The following ATF6 variants were observed in gnomAD, a reference collection of about 807,000 sequenced individuals.
ATF6 encodes the protein cyclic AMP-dependent transcription factor ATF-6 alpha.
Under a neutral mutation model 83.6 loss-of-function variants are expected in ATF6, and 53 were observed. That is an observed-to-expected ratio of 0.63 (90% confidence interval 0.51 to 0.80). ATF6 has a LOEUF of 0.80. Ranked by LOEUF, ATF6 falls within the 30% of genes least tolerant of loss-of-function variation. The probability of loss-of-function intolerance (pLI) is 0.00; values close to 1 mark genes in which losing one functional copy is unlikely to be tolerated. For synonymous variants in ATF6, 288 were observed against 285.8 expected, an observed-to-expected ratio of 1.01 and a Z score of -0.08; for missense variants, 744 against 797.9, an observed-to-expected ratio of 0.93 and a Z score of 0.81.
intron 15 of ATF6, among the ~76,000 whole-genome samples, chr1:161,936,499 T>C (rs193120472): frequency 3.1e-3 from 471 of 152,336 alleles, no homozygotes; most frequent in Non-Finnish European, 4.9e-3. Flanking sequence ...ATGTTACAGA[T>C]GTTTTTCAAA....
intron 1 of ATF6, among the ~76,000 whole-genome samples, chr1:161,770,920 A>C (rs1367328556): frequency 6.6e-6 from 1 of 152,248 alleles, no homozygotes; most frequent in Non-Finnish European, 1.5e-5. Context: ...ACTGTCTTCC[A>C]AAGTGGCTAT....
intron 2 of ATF6, among the ~76,000 whole-genome samples, chr1:161,780,434 C>T (rs938626710): frequency 2.6e-4 from 39 of 151,444 alleles, no homozygotes; most frequent in Middle Eastern, 3.4e-3. Flanking sequence ...AGTGCAGTGG[C>T]GCAATCTCGG....
At position 161,819,734 on chromosome 1, in the gene ATF6, A is replaced by T; in HGVS notation, c.1011A>T (p.Arg337Ser). The T allele has an allele frequency of 6.2e-7, 1 of 1,613,292 alleles. No individual in the cohort carries two copies. ...KKEYMLGLEA[R>S]LKAALSENEQ... Reference sequence around the variant, plus strand: ...AATATATGCTAGGGTTAGAGGCGAGATTAAAGGCTGCCCTCTCAGAAAACG... The same window carrying T: ...AATATATGCTAGGGTTAGAGGCGAGTTTAAAGGCTGCCCTCTCAGAAAACG... Residue 337 changes from arginine (R) to serine (S), a missense_variant, in exon 8 of 16, where the codon AGA becomes AGT. Arg to Ser is a moderately radical substitution (Grantham distance 110). Coordinates refer to ENST00000367942, the MANE Select transcript of ATF6 (RefSeq NM_007348.4).
chr1:161,894,944 A>G (rs1262200291), intron 14 of ATF6, among the ~76,000 whole-genome samples: 1 of 151,212 alleles, frequency 6.6e-6, no homozygotes, highest in African/African-American at 2.4e-5. Flanking sequence ...AATTTAAGTG[A>G]TTTTTAATTT....
chr1:161,938,306 G>A (rs17450980), intron 15 of ATF6, among the ~76,000 whole-genome samples: 1,978 of 152,170 alleles, frequency 0.013, 15 homozygotes, highest in South Asian at 0.018. Flanking sequence ...TTTGCGTTTT[G>A]GACTCACATA....
chr1:161,844,160 A>C (rs925551178), intron 9 of ATF6, among the ~76,000 whole-genome samples: 7 of 152,206 alleles, frequency 4.6e-5, no homozygotes, highest in African/African-American at 1.7e-4. Context: ...ATCCTTTTCC[A>C]TTCTGTAGTG....
chr1:161,950,924 T>C (rs541123365), intron 15 of ATF6, among the ~76,000 whole-genome samples: 2 of 152,372 alleles, frequency 1.3e-5, no homozygotes, highest in South Asian at 2.1e-4. Flanking sequence ...TATTCTTTTC[T>C]ATGATCTAAT....
intron 9 of ATF6, among the ~76,000 whole-genome samples, chr1:161,826,492 G>C (rs1197970044): frequency 6.6e-6 from 1 of 152,074 alleles, no homozygotes; most frequent in Non-Finnish European, 1.5e-5. Flanking sequence ...ATTAAAAATC[G>C]GAGAAAGCTT....
rs775002441 is a variant in ATF6 at position 161,912,381 on chromosome 1, G to T, written c.1804+1G>T. On this transcript the variant is annotated splice_donor_variant, in intron 15 of 15. Coordinates refer to ENST00000367942, the MANE Select transcript of ATF6 (RefSeq NM_007348.4). LOFTEE classifies it high-confidence loss of function. ...GTGTTACCAGCAATAAACATAAATG[G>T]TAAGTTGAAATTCTGATGTATGAAC... 5.6e-6 allele frequency: 9 copies of T among 1,601,004 alleles called. No homozygotes were observed. Among genetic ancestry groups the T allele is most frequent in the Non-Finnish European group, 7.7e-6 (9 of 1,171,198 alleles).
intron 12 of ATF6, among the ~76,000 whole-genome samples, chr1:161,855,734 G>A (rs1686742798): frequency 6.6e-6 from 1 of 152,174 alleles, no homozygotes; most frequent in South Asian, 2.1e-4. Flanking sequence ...CAAAATTCAA[G>A]CAAAGAAAGT....
In ATF6 at chr1:161,791,448, T is replaced by A. The variant is rs769615639; in HGVS notation, c.395T>A (p.Leu132His). The A allele has an allele frequency of 8.7e-6, 14 of 1,612,094 alleles. No individual in the cohort carries two copies. The highest frequency in any genetic ancestry group is 1.2e-5 in the Non-Finnish European group (14 of 1,179,464). Residue 132 changes from leucine (L) to histidine (H), a missense_variant, in exon 5 of 16, where the codon CTT becomes CAT. By Grantham distance (99) the Leu-to-His change is moderately conservative (BLOSUM62 -3). Transcript: ENST00000367942. ...TCTTCTAGTTCTCAGATGTCTCCCC[T>A]TTCCTTATATGGTGAAAACTCTAAT... ...DLSSSSQMSP[L>H]SLYGENSNSL...
At chr1:161,796,398 A>G (rs761450630) in intron 6 of ATF6, among the ~76,000 whole-genome samples, 6 of 152,150 alleles carry the variant, frequency 3.9e-5, no homozygotes, top group Non-Finnish European at 8.8e-5. Context: ...GGCTTCCTAT[A>G]ATACTCTTCT....
At chr1:161,857,219 C>A (rs984998912) in intron 12 of ATF6, among the ~76,000 whole-genome samples, 1 of 152,120 alleles carries the variant, frequency 6.6e-6, no homozygotes, top group South Asian at 2.1e-4. Context: ...TTACCTCTTT[C>A]AGTTGCTAAG....
At chr1:161,807,552 T>A (rs1393523509) in intron 7 of ATF6, among the ~76,000 whole-genome samples, 1 of 152,232 alleles carries the variant, frequency 6.6e-6, no homozygotes, top group African/African-American at 2.4e-5. Context: ...ATCCAGGGTT[T>A]AGTAAAAAAA....
chr1:161,945,767 T>C (rs1034807229), intron 15 of ATF6, among the ~76,000 whole-genome samples: 1 of 152,214 alleles, frequency 6.6e-6, no homozygotes, highest in Non-Finnish European at 1.5e-5. Flanking sequence ...TGTAAACTGC[T>C]TAAAGATAGA....
chr1:161,766,543 C>G, intron 1 of ATF6, 101 bp downstream of exon 1: 1 of 1,084,902 alleles, frequency 9.2e-7, no homozygotes, highest in Non-Finnish European at 1.4e-6. Flanking sequence ...GTGGACCAAC[C>G]CTGCCTGGGG....
chr1:161,809,885 G>T (rs879620871), intron 7 of ATF6, among the ~76,000 whole-genome samples: 1 of 152,128 alleles, frequency 6.6e-6, no homozygotes, highest in Non-Finnish European at 1.5e-5. Context: ...TTTTGATGGG[G>T]TTGTTTTTTT....
chr1:161,873,955 G>A (rs1687163249), intron 14 of ATF6, among the ~76,000 whole-genome samples: 1 of 151,652 alleles, frequency 6.6e-6, no homozygotes, highest in African/African-American at 2.4e-5. Context: ...AGTTTATATA[G>A]TCACCGTAAT....
chr1:161,839,366 T>G (rs906213528), intron 9 of ATF6, among the ~76,000 whole-genome samples: 1 of 152,140 alleles, frequency 6.6e-6, no homozygotes, highest in African/African-American at 2.4e-5. Context: ...TATTTACTTA[T>G]TTTTAATTTT....
Sources: gnomAD v4.1 joint callset for allele counts (sites outside exome capture counted in the v4.1 genomes callset) on GRCh38, gnomAD v4.1.1 for gene constraint, MANE v1.5 for transcripts, NCBI Gene and HGNC (gene_info 2026-07-23, HGNC 2026-07-21) for gene names.